The following TSKU variants were observed in gnomAD, a reference collection of about 807,000 sequenced individuals.
TSKU encodes the protein tsukushi.
A neutral mutation model predicts 11.2 loss-of-function variants in TSKU; 4 were observed. The observed-to-expected ratio is 0.36, with a 90% CI of 0.18 to 0.82. The LOEUF (loss-of-function observed/expected upper bound fraction) is 0.82. Ranked by LOEUF, TSKU falls within the 40% of genes least tolerant of loss-of-function variation. TSKU has a pLI of 0.50. For synonymous variants in TSKU, 220 were observed against 232.2 expected (o/e 0.95, Z 0.48); for missense variants, 407 against 482.5 (o/e 0.84, Z 1.47).
At position 76,796,396 on chromosome 11, in the gene TSKU, C is replaced by T. The variant is rs1264139862; in HGVS notation, c.780C>T (p.Asp260=). 2.5e-6 allele frequency: 4 copies of T among 1,613,464 alleles called. No homozygotes were observed. The highest frequency in any genetic ancestry group is 3.4e-6 in the Non-Finnish European group (4 of 1,179,978). ...AGCTACCGGGCCTGCAGGTCCTGGA[C>T]CTGTCGGGCAACCCCAAGCTTAACT... ...FRELPGLQVL[D]LSGNPKLNWA... is the part of the protein sequence containing the mutation. The change falls in exon 2 of 2, where the codon GAC becomes GAT. Residue 260 remains aspartate, a synonymous_variant. Transcript: ENST00000333090. The surrounding 1 kb of genome is among the most constrained non-coding windows in gnomAD (Gnocchi z 4.1).
intron 1 of TSKU, chr11:76,792,634 A>G (rs950546926): frequency 1.3e-5 from 2 of 152,374 alleles, no homozygotes; most frequent in African/African-American, 4.8e-5. Flanking sequence ...GATAGTGAAT[A>G]AGTCTCACAA....
rs189119376 is a variant in TSKU at position 76,795,374 on chromosome 11, T to C, written c.-8-235T>C. 2.0e-5 allele frequency among the ~76,000 whole-genome samples: 3 copies of C among 152,368 alleles called. No homozygotes were observed. In the East Asian group the frequency reaches 5.8e-4, roughly 29 times the overall value. On this transcript the variant is annotated intron_variant, in intron 1 of 1. Coordinates refer to ENST00000333090, the MANE Select transcript of TSKU (RefSeq NM_015516.4). ...CTGCTGCTCTTGTTTAAGAAAGGGA[T>C]CTGCTGCTTCTAGTTGAAAATTCAC...
rs1340133627 is a variant in TSKU, at chr11:76,796,151, G to A, written c.535G>A (p.Ala179Thr). 6.2e-7 allele frequency: 1 copy of A among 1,613,552 alleles called. No homozygotes were observed. The highest frequency in any genetic ancestry group is 1.3e-5 in the African/African-American group (1 of 75,032). Reference sequence around the variant, plus strand: ...CCGCCTCGTGCCCCACCCCACGAGGGCCGGCCTGCCTGCGCCCACCATTCA... The same window carrying A: ...CCGCCTCGTGCCCCACCCCACGAGGACCGGCCTGCCTGCGCCCACCATTCA... Reference protein sequence around the residue: ...IHRLVPHPTRAGLPAPTIQSL... With the variant: ...IHRLVPHPTRTGLPAPTIQSL... Residue 179 changes from alanine (A) to threonine (T), a missense_variant, in exon 2 of 2, where the codon GCC becomes ACC. By Grantham distance (58) the Ala-to-Thr change is moderately conservative. Transcript: ENST00000333090. The surrounding 1 kb of genome is among the most constrained non-coding windows in gnomAD (Gnocchi z 4.1).
chr11:76,788,636 T>G (rs1339979814), intron 1 of TSKU, among the ~76,000 whole-genome samples: 1 of 152,156 alleles, frequency 6.6e-6, no homozygotes, highest in Non-Finnish European at 1.5e-5. Flanking sequence ...ATTTAATCCT[T>G]TCAACAAACC....
chr11:76,788,670 C>G lies in TSKU; in HGVS notation c.-9+5266C>G, dbSNP rs60205654. Among the ~76,000 whole-genome samples, 1,175 of 152,292 alleles carry G rather than the reference C, an allele frequency of 7.7e-3. 18 individuals carry two copies. Among genetic ancestry groups the G allele is most frequent in the African/African-American group, 0.027 (1,115 of 41,546 alleles). On this transcript the variant is annotated intron_variant, in intron 1 of 1. Transcript: ENST00000333090. ...CCTGTGTTCTTAGCCCTGTTGAGGA[C>G]CCTCGGAGCGGGTCCCAAGACTTAC...
chr11:76,788,636 T>C (rs1339979814), intron 1 of TSKU, among the ~76,000 whole-genome samples: 1 of 152,156 alleles, frequency 6.6e-6, no homozygotes, highest in Non-Finnish European at 1.5e-5. Flanking sequence ...ATTTAATCCT[T>C]TCAACAAACC....
rs778133201 is a variant in TSKU, at chr11:76,795,683, G to A, written c.67G>A (p.Gly23Arg). The change falls in exon 2 of 2, where the codon GGG becomes AGG. Residue 23 changes from glycine to arginine, a missense_variant. By Grantham distance (125) the Gly-to-Arg change is moderately radical. Transcript: ENST00000333090. ...CCAGACAACCCGGCCATGCTTCCCC[G>A]GGTGCCAATGCGAGGTGGAGACCTT... is the stretch of plus-strand genomic sequence containing the variant. ...GAQTTRPCFP[G>R]CQCEVETFGL... 9 of 1,614,030 alleles carry A rather than the reference G, an allele frequency of 5.6e-6. No individual in the cohort carries two copies. In the East Asian group the frequency reaches 6.7e-5, roughly 12 times the overall value.
At chr11:76,788,538 T>C (rs554208857) in intron 1 of TSKU, among the ~76,000 whole-genome samples, 2 of 152,228 alleles carry the variant, frequency 1.3e-5, no homozygotes, top group African/African-American at 4.8e-5. Flanking sequence ...GTGACTGCCT[T>C]CAGAAGGCTT....
At chr11:76,790,664 G>A (rs57877286) in intron 1 of TSKU, among the ~76,000 whole-genome samples, 17,685 of 152,138 alleles carry the variant, frequency 0.12, 1,512 homozygotes, top group African/African-American at 0.25. Context: ...TAAGAAGTGC[G>A]TTTTGCCCTC....
rs200873251 is a variant in TSKU at position 76,796,074 on chromosome 11, C to A, written c.458C>A (p.Thr153Lys). Residue 153 changes from threonine (T) to lysine (K), a missense_variant, in exon 2 of 2, where the codon ACG becomes AAG. Coordinates refer to ENST00000333090, the MANE Select transcript of TSKU (RefSeq NM_015516.4). The surrounding 1 kb of genome is among the most constrained non-coding windows in gnomAD (Gnocchi z 4.1). ...GAGGTCTCAGTGTCTGCCTTCACGA[C>A]GCACAGTCAGGGCCGGGCACTACAC... ...LREVSVSAFT[T>K]HSQGRALHVD... is the part of the protein sequence containing the mutation. The A allele has an allele frequency of 6.2e-7, 1 of 1,614,108 alleles. No individual in the cohort carries two copies. The highest frequency in any genetic ancestry group is 1.7e-5 in the Admixed American group (1 of 60,028).
At chr11:76,784,601 C>T (rs575565281) in intron 1 of TSKU, among the ~76,000 whole-genome samples, 2 of 152,364 alleles carry the variant, frequency 1.3e-5, no homozygotes, top group East Asian at 3.9e-4. Flanking sequence ...GAATAACCCG[C>T]GCCTCTGGAG....
At chr11:76,789,591 A>G (rs970229633) in intron 1 of TSKU, among the ~76,000 whole-genome samples, 1 of 152,230 alleles carries the variant, frequency 6.6e-6, no homozygotes, top group Non-Finnish European at 1.5e-5. Flanking sequence ...GGAAGGCCTT[A>G]CGGTATATCC....
At position 76,796,041 on chromosome 11, in the gene TSKU, A is replaced by G; in HGVS notation, c.425A>G (p.Gln142Arg). Residue 142 changes from glutamine (Q) to arginine (R), a missense_variant, in exon 2 of 2, where the codon CAG becomes CGG. Coordinates refer to ENST00000333090, the MANE Select transcript of TSKU (RefSeq NM_015516.4). The surrounding 1 kb of genome is among the most constrained non-coding windows in gnomAD (Gnocchi z 4.1). ...AGCGACGTGAACCTTAGCCACAACC[A>G]GCTCCGGGAGGTCTCAGTGTCTGCC... Reference protein sequence around the residue: ...PLSDVNLSHNQLREVSVSAFT... With the variant: ...PLSDVNLSHNRLREVSVSAFT... 6.2e-7 allele frequency: 1 copy of G among 1,613,624 alleles called. No individual in the cohort carries two copies. Among genetic ancestry groups the G allele is most frequent in the Non-Finnish European group, 8.5e-7 (1 of 1,179,940 alleles).
At position 76,798,091 on chromosome 11, in the gene TSKU, C is replaced by T. The variant is rs1944479349; in HGVS notation, c.*1413C>T. 1 of 167,208 alleles carries T rather than the reference C, an allele frequency of 6.0e-6. No individual in the cohort carries two copies. The highest frequency in any genetic ancestry group is 2.4e-5 in the African/African-American group (1 of 41,456). The allele number at this position is 167,208 out of a possible 1,614,324, so 10.4% of individuals were successfully genotyped here. A position where few individuals can be genotyped will look rare whatever the true frequency, so the allele number is the denominator to read the frequency against. On this transcript the variant is annotated 3_prime_UTR_variant, in exon 2 of 2. Transcript: ENST00000333090. ...GTGAGCTCTGTCTTCCCCCACCTGCCTAGCCCATCATCTATCTAACCGGTC... is the reference window on the plus strand; with the variant it reads ...GTGAGCTCTGTCTTCCCCCACCTGCTTAGCCCATCATCTATCTAACCGGTC...
In TSKU at chr11:76,796,713, C is replaced by A; in HGVS notation, c.*35C>A. On this transcript the variant is annotated 3_prime_UTR_variant, in exon 2 of 2. Coordinates refer to ENST00000333090, the MANE Select transcript of TSKU (RefSeq NM_015516.4). The surrounding 1 kb of genome is among the most constrained non-coding windows in gnomAD (Gnocchi z 4.1). ...TGGCCCAGGGCCACATAACAGACTG[C>A]TGTCCTGGGCTGCCTCAGGTCCCGA... The A allele has an allele frequency of 7.1e-7, 1 of 1,406,688 alleles. No homozygotes were observed. The highest frequency in any genetic ancestry group is 9.4e-7 in the Non-Finnish European group (1 of 1,067,084). The allele number at this position is 1,406,688 out of a possible 1,614,324, so 87.1% of individuals were successfully genotyped here.
At chr11:76,789,942 G>A (rs1944349245) in intron 1 of TSKU, among the ~76,000 whole-genome samples, 1 of 152,104 alleles carries the variant, frequency 6.6e-6, no homozygotes, top group South Asian at 2.1e-4. Context: ...TGGTGTTAGT[G>A]ATCTTGTTAT....
At chr11:76,791,216 C>T (rs140392881) in intron 1 of TSKU, among the ~76,000 whole-genome samples, 1 of 152,298 alleles carries the variant, frequency 6.6e-6, no homozygotes, top group East Asian at 1.9e-4. Flanking sequence ...CTGTTAAAGG[C>T]ATTCCGTTTT....
intron 1 of TSKU, among the ~76,000 whole-genome samples, chr11:76,792,988 A>G (rs1944394578): frequency 6.6e-6 from 1 of 152,250 alleles, no homozygotes; most frequent in African/African-American, 2.4e-5. Flanking sequence ...TGCGGACTAA[A>G]TGAAAGCATG....
At chr11:76,788,087 A>C (rs956273374) in intron 1 of TSKU, among the ~76,000 whole-genome samples, 1 of 152,166 alleles carries the variant, frequency 6.6e-6, no homozygotes, top group Non-Finnish European at 1.5e-5. Flanking sequence ...CAGAGCTGAC[A>C]AAGTGGTTGG....
Sources: gnomAD v4.1 joint callset for allele counts (sites outside exome capture counted in the v4.1 genomes callset) on GRCh38, gnomAD v4.1.1 for gene constraint, Gnocchi (gnomAD v3.1) non-coding constraint, MANE v1.5 for transcripts, NCBI Gene and HGNC (gene_info 2026-07-23, HGNC 2026-07-21) for gene names.